Variants in SSBP2 observed in about 807,000 individuals in gnomAD.
SSBP2 encodes the protein single stranded DNA binding protein 2.
Under a neutral mutation model 61.8 loss-of-function variants are expected in SSBP2, and 17 were observed. That is an observed-to-expected ratio of 0.28 (90% CI 0.19 to 0.41). The LOEUF is 0.41. Ranked by LOEUF, SSBP2 falls within the 10% of genes least tolerant of loss-of-function variation. The pLI is 1.00. For missense variants in SSBP2, 310 were observed against 458.7 expected, an observed-to-expected ratio of 0.68 and a Z score of 2.96; for synonymous variants, 139 against 141.3, an observed-to-expected ratio of 0.98 and a Z score of 0.12.
At chr5:81,626,975 A>G (rs1375021066) in intron 3 of SSBP2, among the ~76,000 whole-genome samples, 1 of 152,228 alleles carries the variant, frequency 6.6e-6, no homozygotes, top group Non-Finnish European at 1.5e-5. Context: ...GTAAAAAGAG[A>G]AAATAAATGT....
chr5:81,539,077 T>C (rs1771041520), intron 4 of SSBP2, among the ~76,000 whole-genome samples: 1 of 152,232 alleles, frequency 6.6e-6, no homozygotes, highest in African/African-American at 2.4e-5. Flanking sequence ...ATAGAAAACC[T>C]TCTGGAAAGA....
At chr5:81,474,315 C>G (rs1765446290) in intron 7 of SSBP2, among the ~76,000 whole-genome samples, 181 bp downstream of exon 7, 2 of 151,848 alleles carry the variant, frequency 1.3e-5, no homozygotes, top group Non-Finnish European at 2.9e-5. Context: ...TTATCACTAC[C>G]CTCACTATCA....
chr5:81,429,035 C>T (rs1242144711), intron 15 of SSBP2, among the ~76,000 whole-genome samples: 5 of 152,180 alleles, frequency 3.3e-5, no homozygotes, highest in African/African-American at 1.2e-4. Context: ...ATCCTACCCA[C>T]TGATAAGGCA....
chr5:81,649,536 C>T (rs1018629571), intron 2 of SSBP2, among the ~76,000 whole-genome samples: 1 of 152,064 alleles, frequency 6.6e-6, no homozygotes, highest in Non-Finnish European at 1.5e-5. Context: ...AAACCAAATA[C>T]TGCACATTCT....
At position 81,713,882 on chromosome 5, in the gene SSBP2, C is replaced by T. The variant is rs115045181; in HGVS notation, c.62+37099G>A. Reference sequence around the variant, plus strand: ...CAAAGAGATAAAAGAATACAAGCAACCATGAAACAAAAACTGGATTTTTAT... The same window carrying T: ...CAAAGAGATAAAAGAATACAAGCAATCATGAAACAAAAACTGGATTTTTAT... On this transcript the variant is annotated intron_variant, in intron 1 of 16. Transcript: ENST00000320672. 5.0e-3 allele frequency among the ~76,000 whole-genome samples: 756 copies of T among 152,188 alleles called. 5 individuals carry two copies. Among genetic ancestry groups the T allele is most frequent in the African/African-American group, 0.017 (718 of 41,526 alleles).
At chr5:81,592,739 G>C (rs1743205656) in intron 4 of SSBP2, among the ~76,000 whole-genome samples, 1 of 152,218 alleles carries the variant, frequency 6.6e-6, no homozygotes, top group African/African-American at 2.4e-5. Context: ...AGGGTCTGGA[G>C]TGGACCTCTA....
intron 4 of SSBP2, among the ~76,000 whole-genome samples, chr5:81,582,131 A>G (rs965233018): frequency 4.6e-5 from 7 of 152,268 alleles, no homozygotes; most frequent in Middle Eastern, 6.8e-3. Flanking sequence ...GTCTAAGAAA[A>G]GCCATCTTTA....
intron 1 of SSBP2, among the ~76,000 whole-genome samples, chr5:81,652,192 C>T: frequency 6.6e-6 from 1 of 152,152 alleles, no homozygotes; most frequent in Non-Finnish European, 1.5e-5. Flanking sequence ...TCAGAACGGT[C>T]AAGGCCAGGG....
intron 1 of SSBP2, among the ~76,000 whole-genome samples, chr5:81,682,225 A>C (rs1002293343): frequency 1.3e-5 from 2 of 152,208 alleles, no homozygotes; most frequent in African/African-American, 2.4e-5. Flanking sequence ...TACCAAAACC[A>C]GACAAAGACA....
chr5:81,601,135 G>C (rs984178912), intron 4 of SSBP2, among the ~76,000 whole-genome samples: 2 of 152,114 alleles, frequency 1.3e-5, no homozygotes, highest in African/African-American at 4.8e-5. Flanking sequence ...TTCTCAATTT[G>C]GAAAAGTCAA....
intron 5 of SSBP2, among the ~76,000 whole-genome samples, chr5:81,496,070 C>G (rs1473902526): frequency 6.6e-6 from 1 of 152,158 alleles, no homozygotes; most frequent in African/African-American, 2.4e-5. Flanking sequence ...AGGTACAGTT[C>G]TAAAACGCAC....
At chr5:81,475,632 T>C (rs564554196) in intron 6 of SSBP2, among the ~76,000 whole-genome samples, 1 of 152,202 alleles carries the variant, frequency 6.6e-6, no homozygotes, top group South Asian at 2.1e-4. Flanking sequence ...TATTCATGCA[T>C]TCAATCAACA....
intron 4 of SSBP2, among the ~76,000 whole-genome samples, chr5:81,606,061 A>G (rs1744853930): frequency 6.6e-6 from 1 of 152,188 alleles, no homozygotes; most frequent in African/African-American, 2.4e-5. Context: ...AGAAAGAGAA[A>G]TTCATCCAAC....
chr5:81,480,103 A>C (rs901020350), intron 6 of SSBP2, among the ~76,000 whole-genome samples: 6 of 152,238 alleles, frequency 3.9e-5, no homozygotes, highest in African/African-American at 1.4e-4. Context: ...ATGTGCCTTA[A>C]ATCCTAGGGA....
At chr5:81,687,532 T>C (rs1434290114) in intron 1 of SSBP2, among the ~76,000 whole-genome samples, 1 of 152,170 alleles carries the variant, frequency 6.6e-6, no homozygotes, top group Non-Finnish European at 1.5e-5. Flanking sequence ...AGGGAGTACT[T>C]GTACCACTCC....
rs1401145403 is a variant in SSBP2, at chr5:81,413,914, T to C, written c.*6590A>G. The C allele has an allele frequency of 3.3e-5, 5 of 152,268 alleles. No individual in the cohort carries two copies. The East Asian group carries it at 9.6e-4, about 29-fold the overall frequency. 9.4% of individuals were successfully genotyped at this position (152,268 alleles called of 1,614,324 possible). ...AAGTTAGCTGACAAATATCATATTGTGTTCTGAGTACTGTGAGGAATCCAA... is the reference window on the plus strand; with the variant it reads ...AAGTTAGCTGACAAATATCATATTGCGTTCTGAGTACTGTGAGGAATCCAA... On this transcript the variant is annotated 3_prime_UTR_variant, in exon 17 of 17. Transcript: ENST00000320672.
chr5:81,569,018 C>T (rs976608835), intron 4 of SSBP2, among the ~76,000 whole-genome samples: 9 of 152,038 alleles, frequency 5.9e-5, no homozygotes, highest in Admixed American at 2.6e-4. Context: ...TTCTGAAGCC[C>T]CCTAGAGCAG....
At chr5:81,568,958 T>C (rs994111569) in intron 4 of SSBP2, among the ~76,000 whole-genome samples, 19 of 152,154 alleles carry the variant, frequency 1.2e-4, no homozygotes, top group Admixed American at 1.0e-3. Context: ...GGAAGTTGGT[T>C]GGATTCCTTG....
intron 3 of SSBP2, among the ~76,000 whole-genome samples, chr5:81,636,016 A>G (rs1007454303): frequency 1.3e-5 from 2 of 152,108 alleles, no homozygotes; most frequent in African/African-American, 4.8e-5. Context: ...TACCAATGTG[A>G]TGGTATTTGG....
Sources: gnomAD v4.1 joint callset for allele counts (sites outside exome capture counted in the v4.1 genomes callset) on GRCh38, gnomAD v4.1.1 for gene constraint, MANE v1.5 for transcripts, NCBI Gene and HGNC (gene_info 2026-07-23, HGNC 2026-07-21) for gene names.